Variants in ADGRF3 observed in about 807,000 individuals in gnomAD.
ADGRF3 encodes the protein adhesion G protein-coupled receptor F3.
Under a neutral mutation model 93.2 loss-of-function variants are expected in ADGRF3, and 85 were observed. The ratio of observed to expected loss-of-function variants is 0.91; its 90% CI spans 0.77 to 1.09. The LOEUF is 1.09. Ranked by LOEUF, ADGRF3 falls within the 50% of genes least tolerant of loss-of-function variation. The pLI, the probability that ADGRF3 is intolerant of heterozygous loss-of-function variation, is 0.00. For synonymous variants in ADGRF3, 534 were observed against 532.5 expected, an observed-to-expected ratio of 1.00 and a Z score of -0.04; for missense variants, 1,125 against 1,246.2, an observed-to-expected ratio of 0.90 and a Z score of 1.46.
chr2:26,318,064 C>T (rs1352830572), intron 1 of ADGRF3: 1 of 1,551,224 alleles, frequency 6.4e-7, no homozygotes, highest in African/African-American at 1.4e-5. Flanking sequence ...ATTGTCTGGC[C>T]CTTGGGCCAT....
Position 26,332,931 on chromosome 2 carries a change from AT to A in ADGRF3, c.114+13189del, listed in dbSNP as rs1302192577. Among the ~76,000 whole-genome samples the A allele has an allele frequency of 5.9e-5, 9 of 152,204 alleles. No homozygotes were observed. The East Asian group carries it at 1.6e-3, about 26-fold the overall frequency. ...CATGGCTAACCCTCAAATCTCAAAG[AT>A]TAAGAAAGTTTTAAATTTTGTATTA... On this transcript the variant is annotated intron_variant, in intron 1 of 13. Transcript: ENST00000651242.
In ADGRF3 at chr2:26,313,120, C is replaced by A. The variant is rs1172052508; in HGVS notation, c.1272G>T (p.Leu424=). ...CAGGACTGCCCTGGCCTGCCTGCAGCAGCTGAGACAGACGAGACAGCATGA... is the reference window on the plus strand; with the variant it reads ...CAGGACTGCCCTGGCCTGCCTGCAGAAGCTGAGACAGACGAGACAGCATGA... ...RLLALFTRTK[L]LQAGQGSPAE... Residue 424 remains leucine (L), a splice_region_variant and synonymous_variant, in exon 9 of 14, where the codon CTG becomes CTT. Coordinates refer to ENST00000651242, the MANE Select transcript of ADGRF3 (RefSeq NM_001321971.2). 1 of 1,613,592 alleles carries A rather than the reference C, an allele frequency of 6.2e-7. No homozygotes were observed. Among genetic ancestry groups the A allele is most frequent in the Non-Finnish European group, 8.5e-7 (1 of 1,179,812 alleles).
intron 9 of ADGRF3, 92 bp from the exon 10 acceptor site, chr2:26,312,166 T>C: frequency 7.9e-7 from 1 of 1,270,504 alleles, no homozygotes; most frequent in South Asian, 1.4e-5. Flanking sequence ...ACACCTTCCC[T>C]TCCCAGTCCA....
At chr2:26,323,858 G>A (rs1387662016) in intron 1 of ADGRF3, among the ~76,000 whole-genome samples, 2 of 151,932 alleles carry the variant, frequency 1.3e-5, no homozygotes, top group East Asian at 1.9e-4. Flanking sequence ...CAAACTCCTG[G>A]CCTCAAAAGA....
Position 26,311,014 on chromosome 2 carries a change from T to C in ADGRF3, c.2510A>G (p.Tyr837Cys). 1 of 1,612,612 alleles carries C rather than the reference T, an allele frequency of 6.2e-7. No individual in the cohort carries two copies. Residue 837 changes from tyrosine to cysteine, a missense_variant, in exon 10 of 14, where the codon TAC becomes TGC. By Grantham distance (194) the Tyr-to-Cys change is radical (BLOSUM62 -2). Transcript: ENST00000651242. ...CCTCAGGTATTGCCCTTGAGGTAGG[T>C]AGAGCCCCAGGGTGACACCTGCCAA... is the stretch of plus-strand genomic sequence containing the variant. ...LGLAGVTLGL[Y>C]LPQGQYLREG... is the part of the protein sequence containing the mutation.
At chr2:26,340,656 TTC>T (rs1676333584) in intron 1 of ADGRF3, 1 of 152,256 alleles carries the variant, frequency 6.6e-6, no homozygotes, top group Admixed American at 6.5e-5. Context: ...GAATGATTTG[TTC>T]TCTCTTTACC....
rs919725832 is a variant in ADGRF3, at chr2:26,308,247, A to G, written c.*839T>C. On this transcript the variant is annotated 3_prime_UTR_variant, in exon 14 of 14. Transcript: ENST00000651242. ...TTTATAAAAAATATCCATGAATTGCATAATTAACAAAGACCGATTCATCAG... is the reference window on the plus strand; with the variant it reads ...TTTATAAAAAATATCCATGAATTGCGTAATTAACAAAGACCGATTCATCAG... 2 of 152,290 alleles carry G rather than the reference A, an allele frequency of 1.3e-5. No individual in the cohort carries two copies. Among genetic ancestry groups the G allele is most frequent in the South Asian group, 2.1e-4 (1 of 4,830 alleles). The allele number at this position is 152,290 out of a possible 1,614,324, so 9.4% of individuals were successfully genotyped here.
At chr2:26,318,808 T>A (rs902505815) in intron 1 of ADGRF3, 1 of 1,274,130 alleles carries the variant, frequency 7.8e-7, no homozygotes, top group African/African-American at 1.5e-5. Flanking sequence ...CTCAGAGATC[T>A]CATAACAAAG....
chr2:26,309,168 C>T (rs1031263162), intron 13 of ADGRF3, 61 bp from the exon 14 acceptor site: 7 of 1,613,904 alleles, frequency 4.3e-6, no homozygotes, highest in Non-Finnish European at 5.9e-6. Context: ...GGCTGCCCTC[C>T]CCTCTGGATA....
chr2:26,331,504 G>A (rs1675767947), intron 1 of ADGRF3, among the ~76,000 whole-genome samples: 1 of 152,162 alleles, frequency 6.6e-6, no homozygotes. Flanking sequence ...AGCCGAGATT[G>A]CACCACTTCA....
chr2:26,346,129 G>T lies in ADGRF3; in HGVS notation c.106C>A (p.Pro36Thr). ...GAGCGCGGCTCTCCTACCTTCTCGG[G>T]CAGCCCAGTCTTTGCCATCCTTGCC... is the stretch of plus-strand genomic sequence containing the variant. ...GWARMAKTGL[P>T]EKGQSQAGGE... Residue 36 changes from proline (P) to threonine (T), a missense_variant, in exon 1 of 14, where the codon CCC (proline) becomes ACC (threonine). Transcript: ENST00000651242. 6.3e-7 allele frequency: 1 copy of T among 1,592,272 alleles called. No homozygotes were observed. Among genetic ancestry groups the T allele is most frequent in the East Asian group, 2.3e-5 (1 of 43,620 alleles).
rs376678544 is a variant in ADGRF3 at position 26,346,108 on chromosome 2, G to A, written c.114+13C>T. The A allele has an allele frequency of 4.1e-5, 65 of 1,567,676 alleles. No individual in the cohort carries two copies. Among genetic ancestry groups the A allele is most frequent in the Admixed American group, 1.5e-4 (8 of 53,074 alleles). On this transcript the variant is annotated intron_variant, in intron 1 of 13. Transcript: ENST00000651242. Reference sequence around the variant, plus strand: ...GCTACGCGTGCGCGGTGGGCGGAGCGCGGCTCTCCTACCTTCTCGGGCAGC... The same window carrying A: ...GCTACGCGTGCGCGGTGGGCGGAGCACGGCTCTCCTACCTTCTCGGGCAGC...
chr2:26,316,845 G>C (rs1674735570), intron 3 of ADGRF3, 67 bp downstream of exon 3: 5 of 1,506,506 alleles, frequency 3.3e-6, no homozygotes, highest in Non-Finnish European at 4.4e-6. Context: ...TCTCAGGCAA[G>C]CTGGCTGCAG....
chr2:26,318,036 G>A, intron 1 of ADGRF3: 1 of 1,551,436 alleles, frequency 6.4e-7, no homozygotes, highest in Non-Finnish European at 8.7e-7. Flanking sequence ...CAGGGTGAGG[G>A]TGGAGGTCTG....
intron 1 of ADGRF3, among the ~76,000 whole-genome samples, chr2:26,341,869 C>T (rs1347304637): frequency 6.6e-6 from 1 of 151,856 alleles, no homozygotes; most frequent in African/African-American, 2.4e-5. Context: ...GTCAGGAGAT[C>T]GAGACCATCC....
intron 3 of ADGRF3, 48 bp downstream of exon 3, chr2:26,316,864 G>A: frequency 6.5e-7 from 1 of 1,549,032 alleles, no homozygotes; most frequent in Non-Finnish European, 8.7e-7. Context: ...AGGAGGCCCG[G>A]GAGCCTATGT....
At chr2:26,328,031 G>A (rs921557454) in intron 1 of ADGRF3, among the ~76,000 whole-genome samples, 5 of 152,102 alleles carry the variant, frequency 3.3e-5, no homozygotes, top group African/African-American at 1.2e-4. Context: ...ATTATATTAG[G>A]AATGGGATTA....
intron 1 of ADGRF3, chr2:26,317,911 G>A (rs1217466141): frequency 1.5e-5 from 14 of 942,806 alleles, no homozygotes; most frequent in Non-Finnish European, 2.4e-5. Context: ...CTGGGGCCCA[G>A]GCGCTTGGGG....
In ADGRF3 at chr2:26,308,786, G is replaced by A; in HGVS notation, c.*300C>T. 2.5e-6 allele frequency: 1 copy of A among 402,820 alleles called. No homozygotes were observed. The highest frequency in any genetic ancestry group is 3.9e-5 in the East Asian group (1 of 25,852). 25.0% of individuals were successfully genotyped at this position (402,820 alleles called of 1,614,324 possible). ...ATTGTTGTAGTTAAAAACTGGTTGA[G>A]AAAGTTTACTTGTAATTATTCCGCA... On this transcript the variant is annotated 3_prime_UTR_variant, in exon 14 of 14. Coordinates refer to ENST00000651242, the MANE Select transcript of ADGRF3 (RefSeq NM_001321971.2).
Sources: gnomAD v4.1 joint callset for allele counts (sites outside exome capture counted in the v4.1 genomes callset) on GRCh38, gnomAD v4.1.1 for gene constraint, MANE v1.5 for transcripts, NCBI Gene and HGNC (gene_info 2026-07-23, HGNC 2026-07-21) for gene names.